OGDH: variants seen among roughly 807,000 people sequenced by gnomAD.
OGDH encodes the protein oxoglutarate dehydrogenase, also known as 2-oxoglutarate dehydrogenase complex component E1.
Under a neutral mutation model 116.6 loss-of-function variants are expected in OGDH, and 38 were observed. The ratio of observed to expected loss-of-function variants is 0.33; its 90% CI spans 0.25 to 0.43. The LOEUF is 0.43. Ranked by LOEUF, OGDH falls within the 20% of genes least tolerant of loss-of-function variation. OGDH has a pLI of 1.00. For synonymous variants in OGDH, 488 were observed against 533.3 expected (o/e 0.92, Z 1.17); for missense variants, 825 against 1,357.2 (o/e 0.61, Z 6.16).
At chr7:44,703,885 CA>C (rs56014201) in intron 20 of OGDH, among the ~76,000 whole-genome samples, 2,052 of 129,798 alleles carry the variant, frequency 0.016, 28 homozygotes, top group African/African-American at 0.043. Flanking sequence ...AACTCCGTCT[CA>C]AAAAAAAAAA....
chr7:44,673,185 G>T (rs1787545484), intron 5 of OGDH, among the ~76,000 whole-genome samples: 1 of 152,120 alleles, frequency 6.6e-6, no homozygotes, highest in Non-Finnish European at 1.5e-5. Flanking sequence ...GGGTAACATA[G>T]TGAGACCTCA....
chr7:44,631,072 T>A (rs998406177), intron 2 of OGDH, among the ~76,000 whole-genome samples: 10 of 152,122 alleles, frequency 6.6e-5, no homozygotes, highest in African/African-American at 2.4e-4. Flanking sequence ...AGTACTGGTC[T>A]GTGGCCCGGG....
intron 2 of OGDH, among the ~76,000 whole-genome samples, chr7:44,638,908 T>C (rs1241125942): frequency 6.6e-6 from 1 of 152,200 alleles, no homozygotes; most frequent in Non-Finnish European, 1.5e-5. Context: ...TAGTCTTGAT[T>C]TATCCCCCAG....
rs1206078306 is a variant in OGDH at position 44,707,459 on chromosome 7, C to T, written c.2796+71C>T. Reference sequence around the variant, plus strand: ...GGGCTCTGGTGCCTTCACAGAACAGCCTTGCTTGGGGTGTGGCCCTCAGGT... The same window carrying T: ...GGGCTCTGGTGCCTTCACAGAACAGTCTTGCTTGGGGTGTGGCCCTCAGGT... On this transcript the variant is annotated intron_variant, in intron 21 of 22. Coordinates refer to ENST00000222673, the MANE Select transcript of OGDH (RefSeq NM_002541.4). This position sits in a 1 kb window ranked among gnomAD's most constrained non-coding sequence, Gnocchi z 5.2. 1.3e-6 allele frequency: 2 copies of T among 1,599,180 alleles called. No homozygotes were observed. Among genetic ancestry groups the T allele is most frequent in the African/African-American group, 2.7e-5 (2 of 74,590 alleles).
At chr7:44,615,242 T>G (rs1784725291) in intron 1 of OGDH, among the ~76,000 whole-genome samples, 1 of 152,216 alleles carries the variant, frequency 6.6e-6, no homozygotes, top group Admixed American at 6.5e-5. Flanking sequence ...CAATGCAGGC[T>G]TCCTCTGCTG....
intron 5 of OGDH, among the ~76,000 whole-genome samples, chr7:44,668,890 G>T (rs905009284): frequency 6.6e-6 from 1 of 152,144 alleles, no homozygotes; most frequent in Non-Finnish European, 1.5e-5. Flanking sequence ...TACATATGTG[G>T]CTTACATAAT....
chr7:44,644,956 CAGTA>C (rs1325243098), intron 2 of OGDH, among the ~76,000 whole-genome samples: 2 of 152,174 alleles, frequency 1.3e-5, no homozygotes, highest in South Asian at 2.1e-4. Flanking sequence ...AAGGCTGAGA[CAGTA>C]AGTGTCTCTG....
At chr7:44,619,043 T>TG (rs1324504929) in intron 1 of OGDH, among the ~76,000 whole-genome samples, 2 of 152,194 alleles carry the variant, frequency 1.3e-5, no homozygotes, top group Non-Finnish European at 2.9e-5. Context: ...CCCAAGAGGA[T>TG]GGGGTACGGA....
intron 10 of OGDH, among the ~76,000 whole-genome samples, chr7:44,691,125 G>A (rs905862074): frequency 2.6e-5 from 4 of 152,128 alleles, no homozygotes; most frequent in African/African-American, 9.7e-5. Context: ...AGAAGGAGAG[G>A]AAGTAACTTC....
At chr7:44,650,543 A>G (rs17133725) in intron 4 of OGDH, among the ~76,000 whole-genome samples, 2,780 of 152,316 alleles carry the variant, frequency 0.018, 93 homozygotes, top group African/African-American at 0.063. Flanking sequence ...TGGGCTTACT[A>G]GCAATCTTTT....
At chr7:44,677,062 T>A (rs772859581) in intron 9 of OGDH, among the ~76,000 whole-genome samples, 2 of 152,190 alleles carry the variant, frequency 1.3e-5, no homozygotes, top group Non-Finnish European at 2.9e-5. Context: ...CTCAACAGAT[T>A]GTAACAATTT....
intron 4 of OGDH, among the ~76,000 whole-genome samples, chr7:44,659,358 C>CT (rs1341679888): frequency 1.3e-5 from 2 of 151,970 alleles, no homozygotes; most frequent in Non-Finnish European, 1.5e-5. Context: ...TGGTCATTTT[C>CT]TTTTTTTGTA....
intron 10 of OGDH, among the ~76,000 whole-genome samples, chr7:44,685,066 A>G (rs1006641150): frequency 3.9e-5 from 6 of 152,194 alleles, no homozygotes; most frequent in African/African-American, 1.4e-4. Flanking sequence ...GATTACAGGC[A>G]TGAGCCACCG....
chr7:44,653,959 A>G (rs563444899), intron 4 of OGDH, among the ~76,000 whole-genome samples: 5 of 152,212 alleles, frequency 3.3e-5, no homozygotes, highest in Admixed American at 1.3e-4. Context: ...GGTTCAAGCA[A>G]TCCTCCTGCT....
chr7:44,662,064 T>C (rs1786970969), intron 4 of OGDH, among the ~76,000 whole-genome samples: 1 of 152,356 alleles, frequency 6.6e-6, no homozygotes, highest in East Asian at 1.9e-4. Flanking sequence ...GCATTTATAA[T>C]ATAATTATCT....
At chr7:44,608,699 C>T (rs1379957765) in intron 1 of OGDH, among the ~76,000 whole-genome samples, 2 of 151,126 alleles carry the variant, frequency 1.3e-5, no homozygotes, top group African/African-American at 4.9e-5. Flanking sequence ...ACAGCCTGAG[C>T]GACAGAGCAA....
intron 5 of OGDH, among the ~76,000 whole-genome samples, chr7:44,668,256 G>A (rs1284755418): frequency 6.6e-6 from 1 of 152,134 alleles, no homozygotes; most frequent in Non-Finnish European, 1.5e-5. Context: ...GGCCAAGATC[G>A]TGAAACGCCA....
intron 7 of OGDH, 89 bp from the exon 8 acceptor site, chr7:44,675,083 GGGGGGA>G: frequency 4.2e-6 from 4 of 961,370 alleles, no homozygotes; most frequent in Non-Finnish European, 6.5e-6. Flanking sequence ...GCCGTGTCCT[GGGGGGA>G]GGGGGAGGGG....
chr7:44,702,809 G>T (rs1788896222), intron 20 of OGDH, among the ~76,000 whole-genome samples: 1 of 152,090 alleles, frequency 6.6e-6, no homozygotes, highest in Non-Finnish European at 1.5e-5. Context: ...TGTTAGCCAG[G>T]ATGGTGTCAA....
Sources: allele counts gnomAD v4.1 joint callset (sites outside exome capture counted in the v4.1 genomes callset), GRCh38; gene constraint gnomAD v4.1.1; non-coding constraint Gnocchi (gnomAD v3.1); transcripts MANE v1.5; gene names NCBI Gene and HGNC (gene_info 2026-07-23, HGNC 2026-07-21).